Variants in EPHA4 observed in about 807,000 individuals in gnomAD.
EPHA4 encodes the protein ephrin type-A receptor 4.
Under a neutral mutation model 108.3 loss-of-function variants are expected in EPHA4, and 19 were observed. The observed-to-expected ratio is 0.18, with a 90% CI of 0.12 to 0.26. EPHA4 has a LOEUF of 0.26. EPHA4 is among the 10% of genes least tolerant of loss of function. The pLI is 1.00. For missense variants in EPHA4, 917 were observed against 1,254.0 expected (o/e 0.73, Z 4.06); for synonymous variants, 449 against 455.5 (o/e 0.99, Z 0.18).
At chr2:221,532,022 C>T (rs1227979233) in intron 3 of EPHA4, among the ~76,000 whole-genome samples, 3 of 152,170 alleles carry the variant, frequency 2.0e-5, no homozygotes, top group Admixed American at 6.5e-5. Flanking sequence ...GTAGCCAGTG[C>T]TCTTTCAAAG....
chr2:221,456,707 C>T lies in EPHA4; in HGVS notation c.1509G>A (p.Leu503=). 6.2e-7 allele frequency: 1 copy of T among 1,613,986 alleles called. No individual in the cohort carries two copies. Among genetic ancestry groups the T allele is most frequent in the South Asian group, 1.1e-5 (1 of 91,076 alleles). Residue 503 remains leucine, a synonymous_variant, in exon 7 of 18, where the codon CTG becomes CTA. Transcript: ENST00000281821. ...GGAAAACATAGGAAGTGAGAGGGTT[C>T]AGGCCTTTGATATCTGTGTTCCTGG... The part of the protein sequence containing the change: ...TAARNTDIKG[L]NPLTSYVFHV...
chr2:221,512,319 A>C (rs1325025579), intron 3 of EPHA4, among the ~76,000 whole-genome samples: 1 of 152,238 alleles, frequency 6.6e-6, no homozygotes, highest in Non-Finnish European at 1.5e-5. Flanking sequence ...TTTTGTAAGA[A>C]AACCCCTGCC....
chr2:221,572,033 C>T, intron 1 of EPHA4, 125 bp downstream of exon 1: 1 of 799,782 alleles, frequency 1.3e-6, no homozygotes. Flanking sequence ...CCCCCTTCTC[C>T]CGAATCGGGA....
At chr2:221,462,232 C>T (rs1426826774) in intron 5 of EPHA4, among the ~76,000 whole-genome samples, 2 of 151,974 alleles carry the variant, frequency 1.3e-5, no homozygotes, top group South Asian at 2.1e-4. Context: ...AATCATAAGG[C>T]AAGCACTCCT....
chr2:221,485,201 C>G (rs1198720595), intron 4 of EPHA4, among the ~76,000 whole-genome samples: 1 of 152,064 alleles, frequency 6.6e-6, no homozygotes, highest in Non-Finnish European at 1.5e-5. Flanking sequence ...TAGGACGGGG[C>G]ACGGCAGTGT....
In EPHA4 at chr2:221,420,239, A is replaced by T. The variant is rs1028592466; in HGVS notation, c.*1133T>A. ...AAATATGGAAATACATATAAATAAAACCGCAAAGAGTCTGGGGCAAGGGCT... is the reference window on the plus strand; with the variant it reads ...AAATATGGAAATACATATAAATAAATCCGCAAAGAGTCTGGGGCAAGGGCT... On this transcript the variant is annotated 3_prime_UTR_variant, in exon 18 of 18. Transcript: ENST00000281821. The T allele has an allele frequency of 2.0e-5, 3 of 147,948 alleles. No individual in the cohort carries two copies. The highest frequency in any genetic ancestry group is 4.5e-5 in the Non-Finnish European group (3 of 66,496). The allele number at this position is 147,948 out of a possible 1,614,324, so 9.2% of individuals were successfully genotyped here.
chr2:221,551,442 G>A (rs1694158723), intron 3 of EPHA4, among the ~76,000 whole-genome samples: 1 of 152,062 alleles, frequency 6.6e-6, no homozygotes, highest in Non-Finnish European at 1.5e-5. Context: ...TGCAATAAAA[G>A]TTATGATTTT....
chr2:221,480,192 T>G (rs1311302860), intron 5 of EPHA4, among the ~76,000 whole-genome samples: 4 of 151,768 alleles, frequency 2.6e-5, no homozygotes, highest in Admixed American at 6.6e-5. Flanking sequence ...GTACAGGGGG[T>G]CATAGAAGTC....
intron 5 of EPHA4, among the ~76,000 whole-genome samples, chr2:221,481,760 C>T (rs890689229): frequency 6.6e-6 from 1 of 152,142 alleles, no homozygotes; most frequent in Non-Finnish European, 1.5e-5. Context: ...TATAGGTCCA[C>T]CTAGATCATT....
chr2:221,429,962 A>T lies in EPHA4; in HGVS notation c.2686T>A (p.Ser896Thr). 1 of 1,613,836 alleles carries T rather than the reference A, an allele frequency of 6.2e-7. No homozygotes were observed. The highest frequency in any genetic ancestry group is 1.3e-5 in the African/African-American group (1 of 74,990). Residue 896 changes from serine to threonine, a missense_variant, in exon 15 of 18, where the codon TCC (serine) becomes ACC (threonine). Transcript: ENST00000281821. ...NSLKRTGTES[S>T]RPNTALLDPS... ...TATTAAGTAAGCATGGCTGACCTGG[A>T]GCTCTCCGTCCCTGTCCTCTTCAAG...
At chr2:221,529,077 T>A (rs568634438) in intron 3 of EPHA4, among the ~76,000 whole-genome samples, 29 of 152,148 alleles carry the variant, frequency 1.9e-4, no homozygotes, top group Non-Finnish European at 3.2e-4. Context: ...AATATAGTAA[T>A]AGATGTTTTC....
intron 3 of EPHA4, among the ~76,000 whole-genome samples, chr2:221,527,640 T>C (rs963260349): frequency 1.3e-5 from 2 of 152,232 alleles, no homozygotes; most frequent in African/African-American, 4.8e-5. Flanking sequence ...AGCGTGTGTC[T>C]GTGCTTCCTC....
At chr2:221,468,485 G>T (rs1351316578) in intron 5 of EPHA4, among the ~76,000 whole-genome samples, 1 of 152,100 alleles carries the variant, frequency 6.6e-6, no homozygotes, top group African/African-American at 2.4e-5. Context: ...TAGGCTTCAG[G>T]TTCTCTTTGT....
intron 15 of EPHA4, 132 bp from the exon 16 acceptor site, chr2:221,426,751 G>T: frequency 1.3e-6 from 1 of 782,476 alleles, no homozygotes; most frequent in Non-Finnish European, 2.0e-6. Flanking sequence ...AACAATTGTT[G>T]TTAAATGTAA....
intron 3 of EPHA4, among the ~76,000 whole-genome samples, chr2:221,509,014 C>T (rs947759027): frequency 1.3e-5 from 2 of 152,112 alleles, no homozygotes; most frequent in African/African-American, 4.8e-5. Flanking sequence ...AATAGTACAA[C>T]CTGATTGTTG....
intron 4 of EPHA4, among the ~76,000 whole-genome samples, chr2:221,492,460 AGTCTGGG>A (rs1048050843): frequency 6.6e-6 from 1 of 152,202 alleles, no homozygotes; most frequent in African/African-American, 2.4e-5. Context: ...GCAAATGATC[AGTCTGGG>A]GTCTATCTAG....
intron 5 of EPHA4, among the ~76,000 whole-genome samples, chr2:221,459,316 A>AT (rs79551441): frequency 0.67 from 99,341 of 148,824 alleles, 34,185 homozygotes; most frequent in East Asian, 0.79. Flanking sequence ...ACACCCCTCT[A>AT]TTTTTTTTTC....
At chr2:221,518,722 A>ACATTTC (rs1224151686) in intron 3 of EPHA4, among the ~76,000 whole-genome samples, 1 of 152,170 alleles carries the variant, frequency 6.6e-6, no homozygotes. Flanking sequence ...ATTGTGACTT[A>ACATTTC]CATTTCCCTT....
At chr2:221,525,590 G>A (rs1693299913) in intron 3 of EPHA4, among the ~76,000 whole-genome samples, 1 of 152,308 alleles carries the variant, frequency 6.6e-6, no homozygotes. Context: ...ACTTGAGAGA[G>A]CAGGCGAGAT....
Sources: gnomAD v4.1 joint callset for allele counts (sites outside exome capture counted in the v4.1 genomes callset) on GRCh38, gnomAD v4.1.1 for gene constraint, MANE v1.5 for transcripts, NCBI Gene and HGNC (gene_info 2026-07-23, HGNC 2026-07-21) for gene names.